The following MFN1 variants were observed in gnomAD, a reference collection of about 807,000 sequenced individuals.
The protein encoded by MFN1 is mitofusin-1.
Under a neutral mutation model 92.4 loss-of-function variants are expected in MFN1, and 65 were observed. That is an observed-to-expected ratio of 0.70 (90% CI 0.58 to 0.86). The LOEUF is 0.86. Among genes scored for constraint, MFN1 ranks in the 40% least tolerant of loss-of-function variants. The pLI, the probability that MFN1 is intolerant of heterozygous loss-of-function variation, is 0.00. For synonymous variants in MFN1, 297 were observed against 300.9 expected (o/e 0.99, Z 0.13); for missense variants, 781 against 868.0 (o/e 0.90, Z 1.26).
At position 179,385,628 on chromosome 3, in the gene MFN1, T is replaced by C. The variant is rs1713653760; in HGVS notation, c.1722T>C (p.Asn574=). Residue 574 remains asparagine, a synonymous_variant, in exon 15 of 18, where the codon AAT becomes AAC. Coordinates refer to ENST00000471841, the MANE Select transcript of MFN1 (RefSeq NM_033540.3). ...CTACCACTCCAGCAACGCCAGATAA[T>C]GCATCACAGGAAGAACTCATGATTA... ...TAPTTPATPD[N]ASQEELMITL... is the part of the protein sequence containing the mutation. 1.2e-6 allele frequency: 2 copies of C among 1,613,650 alleles called. No homozygotes were observed. The highest frequency in any genetic ancestry group is 2.2e-5 in the East Asian group (1 of 44,866).
rs1235977864 is a variant in MFN1, at chr3:179,386,628, C to T, written c.2011C>T (p.Gln671Ter). ...TGCAAACTGCAGTCACCAAGTAAAA[C>T]AGTAAGTTGGAAGGTGCATCTTTCC... Reference protein sequence around the residue: ...TSANCSHQVKQQIATTFARLC... With the variant: ...TSANCSHQVK Residue 671 changes from glutamine (Q) to a stop codon, truncating the protein, a stop_gained and splice_region_variant, in exon 16 of 18, where the codon CAA becomes TAA. Transcript: ENST00000471841. LOFTEE classifies it high-confidence loss of function. The T allele has an allele frequency of 6.2e-7, 1 of 1,603,812 alleles. No homozygotes were observed. The highest frequency in any genetic ancestry group is 1.8e-5 in the Admixed American group (1 of 57,118).
intron 3 of MFN1, among the ~76,000 whole-genome samples, chr3:179,356,709 A>G (rs1712356817): frequency 6.6e-6 from 1 of 152,160 alleles, no homozygotes; most frequent in African/African-American, 2.4e-5. Context: ...AATCATCCCA[A>G]GAGCATCCCC....
intron 4 of MFN1, among the ~76,000 whole-genome samples, chr3:179,360,894 C>T (rs923898089): frequency 6.6e-6 from 1 of 152,142 alleles, no homozygotes; most frequent in Non-Finnish European, 1.5e-5. Context: ...CGCTTGCAAT[C>T]CTAGCACTTG....
chr3:179,378,646 C>G lies in MFN1; in HGVS notation c.1494C>G (p.Cys498Trp). ...IQDKLHTLIP[C>W]KKFDLSYNLN... ...ATAAACTACATACACTGATCCCTTGCAAGAAATTTGATCTCAGTTATAATC... is the reference window on the plus strand; with the variant it reads ...ATAAACTACATACACTGATCCCTTGGAAGAAATTTGATCTCAGTTATAATC... The change falls in exon 14 of 18, where the codon TGC becomes TGG. Residue 498 changes from cysteine (C) to tryptophan (W), a missense_variant. Transcript: ENST00000471841. 6.2e-7 allele frequency: 1 copy of G among 1,613,744 alleles called. No homozygotes were observed. The highest frequency in any genetic ancestry group is 8.5e-7 in the Non-Finnish European group (1 of 1,179,798).
chr3:179,362,558 A>G, intron 5 of MFN1, 76 bp downstream of exon 5: 1 of 1,316,432 alleles, frequency 7.6e-7, no homozygotes, highest in Non-Finnish European at 1.0e-6. Flanking sequence ...AGCATATGGT[A>G]TAAAAAATTA....
At position 179,362,397 on chromosome 3, in the gene MFN1, G is replaced by C; in HGVS notation, c.451G>C (p.Asp151His). ...QLAHALHMDK[D>H]LKAGCLVRVF... ...GGCCCATGCCCTTCACATGGACAAA[G>C]ATTTGAAAGCTGGCTGTCTTGTACG... Residue 151 changes from aspartate to histidine, a missense_variant, in exon 5 of 18, where the codon GAT becomes CAT. Physicochemically the swap from Asp to His is moderately conservative, Grantham distance 81. Coordinates refer to ENST00000471841, the MANE Select transcript of MFN1 (RefSeq NM_033540.3). 6.2e-7 allele frequency: 1 copy of C among 1,613,218 alleles called. No individual in the cohort carries two copies. The highest frequency in any genetic ancestry group is 8.5e-7 in the Non-Finnish European group (1 of 1,179,950).
In MFN1 at chr3:179,393,137, T is replaced by A. The variant is rs1162281283; in HGVS notation, c.*1078T>A. 1 of 152,186 alleles carries A rather than the reference T, an allele frequency of 6.6e-6. No homozygotes were observed. The highest frequency in any genetic ancestry group is 2.1e-4 in the South Asian group (1 of 4,824). The allele number at this position is 152,186 out of a possible 1,614,324, so 9.4% of individuals were successfully genotyped here. Reference sequence around the variant, plus strand: ...TATTTCTGATCCATAAATATAACATTTACAAAATTCTTCCTTGAGCTGGTG... The same window carrying A: ...TATTTCTGATCCATAAATATAACATATACAAAATTCTTCCTTGAGCTGGTG... On this transcript the variant is annotated 3_prime_UTR_variant, in exon 18 of 18. Transcript: ENST00000471841.
rs199760022 is a variant in MFN1 at position 179,358,158 on chromosome 3, T to TG, written c.249-682_249-681insG. Among the ~76,000 whole-genome samples, 504 of 148,638 alleles carry TG rather than the reference T, an allele frequency of 3.4e-3. 13 individuals are homozygous for TG. Among genetic ancestry groups the TG allele is most frequent in the Admixed American group, 0.026 (392 of 14,920 alleles). ...CCAGTGTCACTCATTTTGTTTTTTT[T>TG]TTTTTTTTTTGAGACTCAGTCTGGC... On this transcript the variant is annotated intron_variant, in intron 3 of 17. Coordinates refer to ENST00000471841, the MANE Select transcript of MFN1 (RefSeq NM_033540.3).
intron 2 of MFN1, among the ~76,000 whole-genome samples, chr3:179,350,465 T>C (rs968514157): frequency 6.6e-6 from 1 of 152,168 alleles, no homozygotes; most frequent in African/African-American, 2.4e-5. Context: ...TATTTTTTTT[T>C]CTAAAAATAA....
In MFN1 at chr3:179,387,729, A is replaced by ATT. The variant is rs74948664; in HGVS notation, c.2012+1116_2012+1117dup. Among the ~76,000 whole-genome samples, 768 of 119,666 alleles carry ATT rather than the reference A, an allele frequency of 6.4e-3. 13 individuals are homozygous for ATT. The highest frequency in any genetic ancestry group is 0.01 in the African/African-American group (325 of 31,834). 78.5% of individuals were successfully genotyped at this position (119,666 alleles called of 152,430 possible). Reference sequence around the variant, plus strand: ...TGGCGTGTGCCACCGCACCCAGCTAATTTTTTTTTTTTTTTTTGAGATGGA... The same window carrying ATT: ...TGGCGTGTGCCACCGCACCCAGCTAATTTTTTTTTTTTTTTTTTTGAGATGGA... On this transcript the variant is annotated intron_variant, in intron 16 of 17. Transcript: ENST00000471841.
At chr3:179,390,172 T>C in intron 17 of MFN1, 34 bp downstream of exon 17, 1 of 1,464,308 alleles carries the variant, frequency 6.8e-7, no homozygotes, top group South Asian at 1.4e-5. Flanking sequence ...AATTTGAACA[T>C]TTACTGGTCT....
chr3:179,360,233 A>G (rs1480383634), intron 4 of MFN1, among the ~76,000 whole-genome samples: 2 of 152,122 alleles, frequency 1.3e-5, no homozygotes, highest in East Asian at 3.9e-4. Flanking sequence ...ACATTATTGA[A>G]GTGTATCATT....
At chr3:179,367,933 A>T in intron 8 of MFN1, 103 bp from the exon 9 acceptor site, 1 of 480,186 alleles carries the variant, frequency 2.1e-6, no homozygotes, top group African/African-American at 2.5e-5. Flanking sequence ...CGGGGGAAAA[A>T]GTATATATAT....
intron 2 of MFN1, among the ~76,000 whole-genome samples, chr3:179,349,483 G>A (rs184295340): frequency 4.5e-4 from 69 of 152,110 alleles, no homozygotes; most frequent in African/African-American, 1.6e-3. Flanking sequence ...AAGGTGATGA[G>A]GAATGTCATG....
chr3:179,362,694 G>C (rs1201612954), intron 5 of MFN1, among the ~76,000 whole-genome samples: 1 of 152,062 alleles, frequency 6.6e-6, no homozygotes, highest in Non-Finnish European at 1.5e-5. Context: ...AAATTTTAAG[G>C]ATGGCCACTT....
chr3:179,350,456 A>AT (rs996292795), intron 2 of MFN1, among the ~76,000 whole-genome samples: 4 of 151,532 alleles, frequency 2.6e-5, no homozygotes, highest in East Asian at 1.9e-4. Context: ...TTTTAAAAAT[A>AT]TTTTTTTTTC....
At chr3:179,365,794 TTTG>T (rs1487754407) in intron 7 of MFN1, among the ~76,000 whole-genome samples, 1 of 152,240 alleles carries the variant, frequency 6.6e-6, no homozygotes, top group Non-Finnish European at 1.5e-5. Flanking sequence ...TGCATCTGTT[TTTG>T]TTTTTATTTA....
chr3:179,349,070 A>G, intron 2 of MFN1, 107 bp downstream of exon 2: 1 of 798,818 alleles, frequency 1.3e-6, no homozygotes, highest in South Asian at 2.8e-5. Flanking sequence ...TATACTGTAT[A>G]CTATGAGAAG....
chr3:179,381,580 A>C (rs146568177), intron 14 of MFN1, among the ~76,000 whole-genome samples: 23 of 152,360 alleles, frequency 1.5e-4, no homozygotes, highest in African/African-American at 5.3e-4. Context: ...AATCCGTGTA[A>C]GAAAATGATT....
Sources: gnomAD v4.1 joint callset for allele counts (sites outside exome capture counted in the v4.1 genomes callset) on GRCh38, gnomAD v4.1.1 for gene constraint, MANE v1.5 for transcripts, NCBI Gene and HGNC (gene_info 2026-07-23, HGNC 2026-07-21) for gene names.